Variants in SUMF1 observed in about 807,000 individuals in gnomAD.
SUMF1 encodes formylglycine-generating enzyme.
SUMF1 carries 48 observed loss-of-function variants against 47.6 expected under a neutral mutation model. The observed-to-expected ratio is 1.01, with a 90% confidence interval of 0.80 to 1.28. The LOEUF (loss-of-function observed/expected upper bound fraction) is 1.28. SUMF1 is among the 50% of genes most tolerant of loss of function. SUMF1 has a pLI of 0.00. For missense variants in SUMF1, 571 were observed against 485.4 expected (o/e 1.18, Z -1.66); for synonymous variants, 230 against 192.1 (o/e 1.20, Z -1.63).
intron 8 of SUMF1, among the ~76,000 whole-genome samples, chr3:4,233,407 T>A (rs755461840): frequency 6.6e-6 from 1 of 152,138 alleles, no homozygotes; most frequent in Non-Finnish European, 1.5e-5. Flanking sequence ...ATGAGCCGTT[T>A]TCATTTTTAA....
chr3:4,216,672 A>C (rs1378922935), intron 8 of SUMF1, among the ~76,000 whole-genome samples: 2 of 152,182 alleles, frequency 1.3e-5, no homozygotes, highest in Non-Finnish European at 2.9e-5. Flanking sequence ...AATTTACAAG[A>C]AAAAAACAAC....
At chr3:4,197,738 T>G (rs1480403668) in intron 8 of SUMF1, among the ~76,000 whole-genome samples, 1 of 152,086 alleles carries the variant, frequency 6.6e-6, no homozygotes, top group Non-Finnish European at 1.5e-5. Flanking sequence ...CAGTAAACAT[T>G]TATGTCAAAC....
intron 8 of SUMF1, among the ~76,000 whole-genome samples, chr3:4,174,917 A>C (rs536142952): frequency 6.6e-6 from 1 of 152,298 alleles, no homozygotes; most frequent in Admixed American, 6.5e-5. Context: ...ACACCCACGA[A>C]GCCTTGCTCA....
At chr3:4,350,344 TGTGTGTGTGTATAA>T (rs1699471413) in intron 8 of SUMF1, among the ~76,000 whole-genome samples, 1 of 146,528 alleles carries the variant, frequency 6.8e-6, no homozygotes, top group East Asian at 2.0e-4. Flanking sequence ...TGTGTGTGTG[TGTGTGTGTGTATAA>T]TTGTGTGTGT....
chr3:4,406,150 CA>C (rs1159389705), intron 7 of SUMF1, among the ~76,000 whole-genome samples: 1 of 151,544 alleles, frequency 6.6e-6, no homozygotes, highest in Non-Finnish European at 1.5e-5. Context: ...ATAATATAAA[CA>C]AAAACAGTAA....
rs1425322660 is a variant in SUMF1, at chr3:4,452,880, G to C, written c.440C>G (p.Thr147Arg). 6.2e-7 allele frequency: 1 copy of C among 1,614,046 alleles called. No individual in the cohort carries two copies. Among genetic ancestry groups the C allele is most frequent in the African/African-American group, 1.3e-5 (1 of 74,920 alleles). ...TCCTTTCCCCAATCCCATTACCTCTGTCAAATAGCCAGTTGAGTTCACAAA... is the reference window on the plus strand; with the variant it reads ...TCCTTTCCCCAATCCCATTACCTCTCTCAAATAGCCAGTTGAGTTCACAAA... ...EKFVNSTGYL[T>R]EAEKFGDSFV... Residue 147 changes from threonine (T) to arginine (R), a missense_variant, in exon 2 of 9, where the codon ACA becomes AGA. Coordinates refer to ENST00000272902, the MANE Select transcript of SUMF1 (RefSeq NM_182760.4).
intron 7 of SUMF1, among the ~76,000 whole-genome samples, chr3:4,386,313 A>G (rs1373672293): frequency 1.3e-5 from 2 of 152,174 alleles, no homozygotes; most frequent in African/African-American, 4.8e-5. Context: ...TTTAGCACAC[A>G]TGTACTAAAC....
intron 8 of SUMF1, among the ~76,000 whole-genome samples, chr3:4,136,797 A>C (rs1337833066): frequency 4.0e-5 from 6 of 151,750 alleles, no homozygotes; most frequent in African/African-American, 9.7e-5. Flanking sequence ...CAACCCCATC[A>C]AAAAGTGGGC....
intron 8 of SUMF1, among the ~76,000 whole-genome samples, chr3:4,232,435 C>T (rs1237629153): frequency 6.6e-6 from 1 of 152,016 alleles, no homozygotes; most frequent in African/African-American, 2.4e-5. Context: ...ACGTCAGTCC[C>T]CTGTGAGCCA....
chr3:4,135,179 A>T (rs2125090785), intron 8 of SUMF1, among the ~76,000 whole-genome samples: 1 of 152,238 alleles, frequency 6.6e-6, no homozygotes, highest in South Asian at 2.1e-4. Context: ...AAAAAGAGAA[A>T]ATTTAGACCA....
intron 1 of SUMF1, among the ~76,000 whole-genome samples, chr3:4,460,621 TGTGAGA>T (rs896095331): frequency 8.8e-5 from 13 of 148,012 alleles, no homozygotes; most frequent in African/African-American, 3.0e-4. Context: ...TGTGTGTGTG[TGTGAGA>T]GTGTGTGTGT....
chr3:4,037,120 T>C (rs1456895684), intron 9 of SUMF1, among the ~76,000 whole-genome samples: 5 of 152,098 alleles, frequency 3.3e-5, no homozygotes, highest in Non-Finnish European at 7.3e-5. Context: ...AAGACTAAGA[T>C]CTAGTCAAAT....
intron 8 of SUMF1, among the ~76,000 whole-genome samples, chr3:4,282,844 C>T (rs1223767146): frequency 6.6e-6 from 1 of 152,140 alleles, no homozygotes; most frequent in East Asian, 1.9e-4. Context: ...CAAACAAGAA[C>T]TCCAAAAATG....
intron 8 of SUMF1, among the ~76,000 whole-genome samples, chr3:4,139,153 G>A (rs1694014422): frequency 6.6e-6 from 1 of 151,996 alleles, no homozygotes; most frequent in South Asian, 2.1e-4. Flanking sequence ...ATTGCAAATA[G>A]TACAAAAAGT....
intron 8 of SUMF1, among the ~76,000 whole-genome samples, chr3:4,208,198 C>T (rs1461727676): frequency 6.6e-6 from 1 of 152,042 alleles, no homozygotes; most frequent in Non-Finnish European, 1.5e-5. Flanking sequence ...CAATTCTAGC[C>T]TTCCACAAGG....
intron 6 of SUMF1, 60 bp downstream of exon 6, chr3:4,417,068 T>C: frequency 6.7e-7 from 1 of 1,501,664 alleles, no homozygotes; most frequent in Non-Finnish European, 9.3e-7. Flanking sequence ...TCACCCCATG[T>C]CTACTGGGAG....
chr3:4,375,618 T>C (rs1237705629), intron 8 of SUMF1, among the ~76,000 whole-genome samples: 2 of 152,236 alleles, frequency 1.3e-5, no homozygotes, highest in South Asian at 2.1e-4. Context: ...CTGAATAAAT[T>C]CCTAGGGGAA....
intron 8 of SUMF1, among the ~76,000 whole-genome samples, chr3:4,220,928 C>G (rs1157044671): frequency 6.6e-6 from 1 of 152,136 alleles, no homozygotes; most frequent in Non-Finnish European, 1.5e-5. Flanking sequence ...TAAAATGTCT[C>G]TAAGAGTGTG....
intron 8 of SUMF1, among the ~76,000 whole-genome samples, chr3:4,334,577 AACAG>A (rs1310239352): frequency 1.3e-5 from 2 of 152,206 alleles, no homozygotes; most frequent in African/African-American, 2.4e-5. Context: ...TGTGACCCCA[AACAG>A]ACAGAAGAAA....
Sources: allele counts gnomAD v4.1 joint callset (sites outside exome capture counted in the v4.1 genomes callset), GRCh38; gene constraint gnomAD v4.1.1; transcripts MANE v1.5; gene names NCBI Gene and HGNC (gene_info 2026-07-23, HGNC 2026-07-21).